Variants in GABRG3 observed in about 807,000 individuals in gnomAD.
GABRG3 encodes gamma-aminobutyric acid type A receptor subunit gamma3, also known as gamma-aminobutyric acid receptor subunit gamma-3.
A neutral mutation model predicts 48.8 loss-of-function variants in GABRG3; 25 were observed. The observed-to-expected ratio is 0.51, with a 90% CI of 0.37 to 0.72. The LOEUF is 0.72. GABRG3 is among the 30% of genes least tolerant of loss of function. The pLI, the probability that GABRG3 is intolerant of heterozygous loss-of-function variation, is 0.00. For synonymous variants in GABRG3, 227 were observed against 217.6 expected (o/e 1.04, Z -0.38); for missense variants, 394 against 577.9 (o/e 0.68, Z 3.26).
At position 27,101,777 on chromosome 15, in the gene GABRG3, C is replaced by G. The variant is rs115643968; in HGVS notation, c.270+74956C>G. ...AATCTCTCGGCTTCCCTGGGCCACA[C>G]TGGAAGACCACAATTGTCTTAGGCC... On this transcript the variant is annotated intron_variant, in intron 3 of 9. Transcript: ENST00000615808. Among the ~76,000 whole-genome samples, 1,039 of 142,394 alleles carry G rather than the reference C, an allele frequency of 7.3e-3. 12 individuals are homozygous for G. Among genetic ancestry groups the G allele is most frequent in the African/African-American group, 0.026 (961 of 37,150 alleles). The allele number at this position is 142,394 out of a possible 152,430, so 93.4% of individuals were successfully genotyped here.
intron 6 of GABRG3, among the ~76,000 whole-genome samples, chr15:27,497,061 T>A (rs1318694490): frequency 6.6e-6 from 1 of 152,228 alleles, no homozygotes; most frequent in Non-Finnish European, 1.5e-5. Flanking sequence ...AGGAGGCTGC[T>A]GTCCTCTTTC....
intron 3 of GABRG3, among the ~76,000 whole-genome samples, chr15:27,320,124 C>A (rs894410178): frequency 2.6e-5 from 4 of 152,176 alleles, no homozygotes; most frequent in African/African-American, 9.7e-5. Flanking sequence ...CCCTCACTAG[C>A]AGAAGCCTTC....
At chr15:27,106,335 A>G (rs532120317) in intron 3 of GABRG3, among the ~76,000 whole-genome samples, 87 of 152,210 alleles carry the variant, frequency 5.7e-4, no homozygotes, top group African/African-American at 2.1e-3. Context: ...TTGCTTTACT[A>G]TAGTAACCAT....
intron 3 of GABRG3, among the ~76,000 whole-genome samples, chr15:27,172,267 TATG>T (rs371192535): frequency 1.3e-5 from 2 of 152,230 alleles, no homozygotes; most frequent in African/African-American, 4.8e-5. Context: ...AAGGAAGTGT[TATG>T]ATAAGTGAAG....
intron 3 of GABRG3, among the ~76,000 whole-genome samples, chr15:27,045,574 G>A (rs922878166): frequency 3.3e-5 from 5 of 152,166 alleles, no homozygotes; most frequent in African/African-American, 7.2e-5. Context: ...GCACAAAACC[G>A]TAAATCTGCT....
At chr15:27,131,360 T>TA (rs1897913634) in intron 3 of GABRG3, among the ~76,000 whole-genome samples, 1 of 152,118 alleles carries the variant, frequency 6.6e-6, no homozygotes, top group Admixed American at 6.6e-5. Flanking sequence ...TATGTCAAAC[T>TA]ATCCTTGTTT....
chr15:27,260,038 T>C (rs913231671), intron 3 of GABRG3, among the ~76,000 whole-genome samples: 3 of 152,148 alleles, frequency 2.0e-5, no homozygotes, highest in African/African-American at 7.2e-5. Flanking sequence ...AGAAAAATAA[T>C]GTTGTGTCCT....
chr15:27,054,463 A>C (rs926644203), intron 3 of GABRG3, among the ~76,000 whole-genome samples: 4 of 152,186 alleles, frequency 2.6e-5, no homozygotes, highest in African/African-American at 9.7e-5. Context: ...CACTGGAAAA[A>C]ACTGTAAAAG....
At chr15:27,264,038 G>A (rs1229313052) in intron 3 of GABRG3, among the ~76,000 whole-genome samples, 1 of 152,132 alleles carries the variant, frequency 6.6e-6, no homozygotes, top group Non-Finnish European at 1.5e-5. Flanking sequence ...GATGGGAAGG[G>A]CCGCTCCCTT....
Position 27,171,960 on chromosome 15 carries a change from C to T in GABRG3, c.270+145139C>T, listed in dbSNP as rs151337070. On this transcript the variant is annotated intron_variant, in intron 3 of 9. Coordinates refer to ENST00000615808, the MANE Select transcript of GABRG3 (RefSeq NM_033223.5). ...TGCTGGCATCTGGTGAGAGTCCTCC[C>T]GAGGTGGAAGGTGTCACATGCCGAA... Among the ~76,000 whole-genome samples the T allele has an allele frequency of 4.9e-4, 74 of 152,166 alleles. 1 individual carries two copies. In the East Asian group the frequency reaches 0.014, roughly 29 times the overall value.
intron 3 of GABRG3, among the ~76,000 whole-genome samples, chr15:27,115,790 T>C (rs866549362): frequency 5.9e-5 from 9 of 152,210 alleles, no homozygotes; most frequent in Admixed American, 1.3e-4. Context: ...AGTAAAACTT[T>C]CAAAATTTTC....
In GABRG3 at chr15:27,308,097, AACATATAT is replaced by A. The variant is rs1184248757; in HGVS notation, c.271-18711_271-18704del. 1.5e-4 allele frequency among the ~76,000 whole-genome samples: 20 copies of A among 135,762 alleles called. 9 individuals carry two copies. Among genetic ancestry groups the A allele is most frequent in the South Asian group, 4.6e-4 (2 of 4,352 alleles). The allele number at this position is 135,762 out of a possible 152,430, so 89.1% of individuals were successfully genotyped here. A position where few individuals can be genotyped will look rare whatever the true frequency, so the allele number is the denominator to read the frequency against. ...ATGTTTATACATCCAAACATATATA[AACATATAT>A]GTTTATACATCCAAACATATATAAA... On this transcript the variant is annotated intron_variant, in intron 3 of 9. Coordinates refer to ENST00000615808, the MANE Select transcript of GABRG3 (RefSeq NM_033223.5).
intron 3 of GABRG3, among the ~76,000 whole-genome samples, chr15:27,215,821 A>G (rs749671621): frequency 4.0e-4 from 61 of 152,146 alleles, no homozygotes; most frequent in Non-Finnish European, 8.5e-4. Context: ...AGTCCCAGGG[A>G]TGGATTCGAC....
chr15:27,073,939 G>A (rs1595507390), intron 3 of GABRG3, among the ~76,000 whole-genome samples: 1 of 152,180 alleles, frequency 6.6e-6, no homozygotes, highest in African/African-American at 2.4e-5. Flanking sequence ...TATAAAGACT[G>A]GGCAATTTAC....
At chr15:27,133,266 A>G (rs1897952430) in intron 3 of GABRG3, among the ~76,000 whole-genome samples, 2 of 152,106 alleles carry the variant, frequency 1.3e-5, no homozygotes, top group South Asian at 4.1e-4. Flanking sequence ...GCCTATTGAG[A>G]AGTTAAGATG....
intron 5 of GABRG3, among the ~76,000 whole-genome samples, chr15:27,420,004 G>A (rs998761519): frequency 7.2e-5 from 11 of 152,148 alleles, no homozygotes; most frequent in Non-Finnish European, 1.2e-4. Flanking sequence ...AAACACTGGG[G>A]TGTTACCATT....
Position 27,448,120 on chromosome 15 carries a change from G to GTT in GABRG3, c.575-32523_575-32522dup, listed in dbSNP as rs71285055. ...ATGTATTAAGTAAAACACCAAACAC[G>GTT]TTTTTTTTAAAAAAAGGACAAATGG... On this transcript the variant is annotated intron_variant, in intron 5 of 9. Transcript: ENST00000615808. Among the ~76,000 whole-genome samples the GTT allele has an allele frequency of 2.9e-4, 44 of 151,558 alleles. 1 individual carries two copies. Among genetic ancestry groups the GTT allele is most frequent in the African/African-American group, 1.0e-3 (43 of 41,224 alleles).
At chr15:27,397,409 A>G (rs1339661628) in intron 5 of GABRG3, among the ~76,000 whole-genome samples, 2 of 152,186 alleles carry the variant, frequency 1.3e-5, no homozygotes, top group Non-Finnish European at 2.9e-5. Flanking sequence ...GCCGTGTCCA[A>G]CTGCCTCTAT....
intron 3 of GABRG3, among the ~76,000 whole-genome samples, chr15:27,074,203 C>T (rs574749202): frequency 9.1e-4 from 139 of 152,228 alleles, no homozygotes; most frequent in African/African-American, 3.1e-3. Context: ...TCCCACAACA[C>T]AGGGGAATTA....
Sources: gnomAD v4.1 joint callset for allele counts (sites outside exome capture counted in the v4.1 genomes callset) on GRCh38, gnomAD v4.1.1 for gene constraint, MANE v1.5 for transcripts, NCBI Gene and HGNC (gene_info 2026-07-23, HGNC 2026-07-21) for gene names.